Variants in PIK3C2G observed in about 807,000 individuals in gnomAD.
PIK3C2G encodes phosphatidylinositol 3-kinase C2 domain-containing subunit gamma.
In PIK3C2G, 168 loss-of-function variants were observed where a neutral mutation model predicts 181.1. The ratio of observed to expected loss-of-function variants is 0.93; its 90% confidence interval spans 0.82 to 1.05. The LOEUF (loss-of-function observed/expected upper bound fraction) is 1.05. Ranked by LOEUF, PIK3C2G falls within the 50% of genes least tolerant of loss-of-function variation. The probability of loss-of-function intolerance (pLI) is 0.00; values close to 1 mark genes in which losing one functional copy is unlikely to be tolerated. For missense variants in PIK3C2G, 1,869 were observed against 1,732.8 expected, an observed-to-expected ratio of 1.08 and a Z score of -1.40; for synonymous variants, 573 against 592.2, an observed-to-expected ratio of 0.97 and a Z score of 0.47.
intron 5 of PIK3C2G, among the ~76,000 whole-genome samples, chr12:18,311,683 C>A (rs1416685637): frequency 6.6e-6 from 1 of 151,826 alleles, no homozygotes; most frequent in Non-Finnish European, 1.5e-5. Context: ...AAAATATTCA[C>A]TCATTGTTTC....
chr12:18,392,435 T>TA (rs1943594303), intron 15 of PIK3C2G, among the ~76,000 whole-genome samples: 1 of 152,126 alleles, frequency 6.6e-6, no homozygotes, highest in African/African-American at 2.4e-5. Flanking sequence ...TTCAAGCCAG[T>TA]AACATCAAAC....
chr12:18,344,660 A>G (rs1185771918), intron 10 of PIK3C2G, among the ~76,000 whole-genome samples: 1 of 152,162 alleles, frequency 6.6e-6, no homozygotes, highest in African/African-American at 2.4e-5. Context: ...CTGTACAGAA[A>G]TGTTCCTGGA....
intron 30 of PIK3C2G, among the ~76,000 whole-genome samples, chr12:18,603,056 G>C (rs112680523): frequency 0.03 from 4,504 of 152,206 alleles, 73 homozygotes; most frequent in Middle Eastern, 0.065. Context: ...AATTCAAGAG[G>C]TTAGTTATTA....
At chr12:18,426,338 A>G (rs1419336635) in intron 18 of PIK3C2G, among the ~76,000 whole-genome samples, 2 of 152,106 alleles carry the variant, frequency 1.3e-5, no homozygotes, top group Non-Finnish European at 2.9e-5. Flanking sequence ...TTGTGATTAT[A>G]TAATTGAGAG....
chr12:18,674,036 T>C, the PIK3C2G span, among the ~76,000 whole-genome samples: 1 of 152,200 alleles, frequency 6.6e-6, no homozygotes, highest in Non-Finnish European at 1.5e-5. Context: ...TACACAAAGC[T>C]GTGAGTATCA....
At position 18,486,108 on chromosome 12, in the gene PIK3C2G, T is replaced by A. The variant is rs529435164; in HGVS notation, c.2505-2341T>A. Among the ~76,000 whole-genome samples the A allele has an allele frequency of 2.6e-5, 4 of 152,290 alleles. No individual in the cohort carries two copies. In the South Asian group the frequency reaches 8.3e-4, roughly 32 times the overall value. ...GGAATAGAATAATTGACCTCTCGTG[T>A]TCATCTCCAGCACTCTATGATTTCA... On this transcript the variant is annotated intron_variant, in intron 18 of 32. Coordinates refer to ENST00000538779, the MANE Select transcript of PIK3C2G (RefSeq NM_001288772.2).
At position 18,449,195 on chromosome 12, in the gene PIK3C2G, T is replaced by C. The variant is rs776923385; in HGVS notation, c.2504+25156T>C. On this transcript the variant is annotated intron_variant, in intron 18 of 32. Coordinates refer to ENST00000538779, the MANE Select transcript of PIK3C2G (RefSeq NM_001288772.2). ...TCTCTAGGCTCACTATTCTGTTCCA[T>C]TGGTCTATGTCTCTGCTTTCATGCC... Among the ~76,000 whole-genome samples the C allele has an allele frequency of 1.1e-3, 174 of 152,300 alleles. 1 individual carries two copies. Among genetic ancestry groups the C allele is most frequent in the Non-Finnish European group, 1.8e-3 (122 of 68,028 alleles).
rs1438491624 is a variant in PIK3C2G at position 18,504,182 on chromosome 12, T to C, written c.3153+765T>C. On this transcript the variant is annotated intron_variant, in intron 23 of 32. Coordinates refer to ENST00000538779, the MANE Select transcript of PIK3C2G (RefSeq NM_001288772.2). ...CTGGGATGATTGGTCACCCTACCTA[T>C]GATAAAAAGGCCATGATAAAATAGA... is the stretch of plus-strand genomic sequence containing the variant. Among the ~76,000 whole-genome samples, 5 of 152,272 alleles carry C rather than the reference T, an allele frequency of 3.3e-5. No homozygotes were observed. The South Asian group carries it at 1.0e-3, about 32-fold the overall frequency.
chr12:18,303,934 A>G (rs1950315707), intron 5 of PIK3C2G, among the ~76,000 whole-genome samples: 1 of 152,036 alleles, frequency 6.6e-6, no homozygotes, highest in Non-Finnish European at 1.5e-5. Context: ...GAGTGCTGAA[A>G]ACATATTCTT....
At chr12:18,271,874 C>T (rs1462620630) in intron 1 of PIK3C2G, among the ~76,000 whole-genome samples, 1 of 152,110 alleles carries the variant, frequency 6.6e-6, no homozygotes, top group Non-Finnish European at 1.5e-5. Context: ...AATCATGCTA[C>T]CTAATACTCT....
In PIK3C2G at chr12:18,424,087, C is replaced by T. The variant is rs566539641; in HGVS notation, c.2504+48C>T. On this transcript the variant is annotated intron_variant, in intron 18 of 32. Transcript: ENST00000538779. The stretch of plus-strand genomic sequence containing the variant: ...AGGATGCCTTTTTAATTGCCACCTT[C>T]TCTATGGGGCAGCTTTAGAGGAAGC... The T allele has an allele frequency of 1.4e-5, 15 of 1,035,322 alleles. No individual in the cohort carries two copies. The Admixed American group carries it at 2.7e-4, about 18-fold the overall frequency. 64.1% of individuals were successfully genotyped at this position (1,035,322 alleles called of 1,614,324 possible).
At chr12:18,523,875 G>T (rs1190349526) in intron 24 of PIK3C2G, among the ~76,000 whole-genome samples, 1 of 152,208 alleles carries the variant, frequency 6.6e-6, no homozygotes, top group African/African-American at 2.4e-5. Flanking sequence ...ACAGTTGCCT[G>T]TCAACCCTGG....
At chr12:18,297,386 T>G (rs957153719) in intron 5 of PIK3C2G, among the ~76,000 whole-genome samples, 2 of 152,064 alleles carry the variant, frequency 1.3e-5, no homozygotes, top group African/African-American at 4.8e-5. Context: ...CAGCTGTGGT[T>G]TCTTTGTGTG....
At chr12:18,542,403 CT>C (rs1555118676) in intron 25 of PIK3C2G, among the ~76,000 whole-genome samples, 1 of 151,608 alleles carries the variant, frequency 6.6e-6, no homozygotes, top group Non-Finnish European at 1.5e-5. Flanking sequence ...TTTTTTCTCT[CT>C]TATTTTAAAC....
At position 18,615,592 on chromosome 12, in the gene PIK3C2G, T is replaced by C. The variant is rs185958467; in HGVS notation, c.4182+5963T>C. Reference sequence around the variant, plus strand: ...TCTTTTCCTCTGGGTAGGTGCCCAGTAGTGAGATTGCTGGATCAAATGGTA... The same window carrying C: ...TCTTTTCCTCTGGGTAGGTGCCCAGCAGTGAGATTGCTGGATCAAATGGTA... On this transcript the variant is annotated intron_variant, in intron 31 of 32. Transcript: ENST00000538779. Among the ~76,000 whole-genome samples the C allele has an allele frequency of 2.9e-3, 448 of 152,142 alleles. 1 individual carries two copies. Among genetic ancestry groups the C allele is most frequent in the Middle Eastern group, 0.014 (4 of 294 alleles).
At chr12:18,558,109 A>G (rs1421813888) in intron 26 of PIK3C2G, among the ~76,000 whole-genome samples, 1 of 152,204 alleles carries the variant, frequency 6.6e-6, no homozygotes, top group Non-Finnish European at 1.5e-5. Flanking sequence ...AAGATGTACT[A>G]TAAAGTTCCA....
chr12:18,601,495 GA>G (rs1472074398), intron 30 of PIK3C2G, among the ~76,000 whole-genome samples: 12 of 152,052 alleles, frequency 7.9e-5, no homozygotes, highest in Non-Finnish European at 1.6e-4. Flanking sequence ...GATGGAGAGA[GA>G]TTTTTTTAAA....
At chr12:18,618,261 T>C (rs938210453) in intron 31 of PIK3C2G, among the ~76,000 whole-genome samples, 116 of 152,118 alleles carry the variant, frequency 7.6e-4, no homozygotes, top group African/African-American at 2.8e-3. Context: ...ACGTGGCCTG[T>C]GTTTGCCAGA....
intron 24 of PIK3C2G, among the ~76,000 whole-genome samples, chr12:18,515,490 T>C (rs11044153): frequency 0.42 from 63,704 of 151,724 alleles, 13,909 homozygotes; most frequent in East Asian, 0.65. Flanking sequence ...TTCTGCTGGA[T>C]TTTCCAGTTT....
Sources: gnomAD v4.1 joint callset for allele counts (sites outside exome capture counted in the v4.1 genomes callset) on GRCh38, gnomAD v4.1.1 for gene constraint, MANE v1.5 for transcripts, NCBI Gene and HGNC (gene_info 2026-07-23, HGNC 2026-07-21) for gene names.